Variants in COL25A1 observed in about 807,000 individuals in gnomAD.
The protein encoded by COL25A1 is collagen type XXV alpha 1 chain.
A neutral mutation model predicts 128.4 loss-of-function variants in COL25A1; 103 were observed. That is an observed-to-expected ratio of 0.80 (90% CI 0.68 to 0.94). COL25A1 has a LOEUF of 0.94. COL25A1 is among the 40% of genes least tolerant of loss of function. COL25A1 has a pLI of 0.00. For missense variants in COL25A1, 745 were observed against 840.0 expected (o/e 0.89, Z 1.40); for synonymous variants, 279 against 277.2 (o/e 1.01, Z -0.06).
intron 3 of COL25A1, among the ~76,000 whole-genome samples, chr4:109,253,883 T>C (rs559904256): frequency 5.9e-4 from 90 of 152,060 alleles, no homozygotes; most frequent in Middle Eastern, 3.4e-3. Flanking sequence ...GTCAGGAGAT[T>C]GAGACCATCC....
intron 11 of COL25A1, among the ~76,000 whole-genome samples, chr4:108,928,402 T>TTCTA (rs1269849576): frequency 6.6e-6 from 1 of 152,244 alleles, no homozygotes; most frequent in East Asian, 1.9e-4. Flanking sequence ...GACAGAAACA[T>TTCTA]TCTATATTGG....
At chr4:108,814,698 G>A (rs542618899) in intron 37 of COL25A1, among the ~76,000 whole-genome samples, 80 of 152,278 alleles carry the variant, frequency 5.3e-4, no homozygotes, top group African/African-American at 1.9e-3. Context: ...TCTTAGAGAC[G>A]TCCTTGACAT....
chr4:108,844,513 A>T lies in COL25A1; in HGVS notation c.1629+6T>A. The T allele has an allele frequency of 1.2e-6, 2 of 1,614,102 alleles. No homozygotes were observed. Among genetic ancestry groups the T allele is most frequent in the East Asian group, 2.2e-5 (1 of 44,876 alleles). On this transcript the variant is annotated splice_donor_region_variant and intron_variant, in intron 30 of 37. Coordinates refer to ENST00000399132, the MANE Select transcript of COL25A1 (RefSeq NM_198721.4). ...CAATTACATTTCAGAAAGAAGGGAA[A>T]CTTACCATGGGGCCAGGTGGGCCAT...
At chr4:109,143,377 T>C (rs991496360) in intron 3 of COL25A1, among the ~76,000 whole-genome samples, 5 of 152,170 alleles carry the variant, frequency 3.3e-5, no homozygotes, top group African/African-American at 4.8e-5. Flanking sequence ...CTGATAATTA[T>C]GTGTCTTGGG....
At chr4:109,035,708 C>T (rs997220429) in intron 5 of COL25A1, among the ~76,000 whole-genome samples, 16 of 151,986 alleles carry the variant, frequency 1.1e-4, no homozygotes, top group African/African-American at 3.6e-4. Context: ...AAAATCTACA[C>T]ATAGGAAACT....
chr4:109,227,879 A>G, intron 3 of COL25A1, among the ~76,000 whole-genome samples: 1 of 152,170 alleles, frequency 6.6e-6, no homozygotes, highest in East Asian at 1.9e-4. Flanking sequence ...GTCATCTACA[A>G]GCTGGAGATT....
chr4:108,904,704 A>G (rs1416649902), intron 13 of COL25A1, among the ~76,000 whole-genome samples: 2 of 152,098 alleles, frequency 1.3e-5, no homozygotes, highest in African/African-American at 4.8e-5. Flanking sequence ...CACATTTCAT[A>G]CTTAAAACAC....
At chr4:108,960,095 G>A (rs1337004283) in intron 8 of COL25A1, among the ~76,000 whole-genome samples, 1 of 152,034 alleles carries the variant, frequency 6.6e-6, no homozygotes, top group Non-Finnish European at 1.5e-5. Context: ...TAATATAGAA[G>A]ATCCTTCAGA....
chr4:109,061,464 G>A (rs1010909891), intron 3 of COL25A1, among the ~76,000 whole-genome samples: 70 of 152,182 alleles, frequency 4.6e-4, no homozygotes, highest in Non-Finnish European at 3.1e-4. Flanking sequence ...GTTTAAGGAG[G>A]AGCTGCTATT....
chr4:108,888,507 C>T (rs138423105), intron 18 of COL25A1, among the ~76,000 whole-genome samples: 36 of 152,212 alleles, frequency 2.4e-4, no homozygotes, highest in Non-Finnish European at 4.0e-4. Flanking sequence ...AATGCTCAGA[C>T]GATAAACTGC....
chr4:109,086,870 G>A (rs1764439608), intron 3 of COL25A1, among the ~76,000 whole-genome samples: 1 of 152,148 alleles, frequency 6.6e-6, no homozygotes. Context: ...ACATGCTAGT[G>A]CCCACAGCAT....
chr4:109,131,173 T>A lies in COL25A1; in HGVS notation c.368-80994A>T, dbSNP rs181499232. On this transcript the variant is annotated intron_variant, in intron 3 of 37. Transcript: ENST00000399132. ...AAAATCTCATCAGTAATGTTTTTGTTGGTTGCTTATTGAAAAGATAATATT... is the reference window on the plus strand; with the variant it reads ...AAAATCTCATCAGTAATGTTTTTGTAGGTTGCTTATTGAAAAGATAATATT... Among the ~76,000 whole-genome samples the A allele has an allele frequency of 1.9e-4, 28 of 150,768 alleles. 1 individual carries two copies. Among genetic ancestry groups the A allele is most frequent in the Admixed American group, 1.5e-3 (23 of 15,208 alleles).
chr4:109,002,517 T>C (rs78497062), intron 6 of COL25A1, among the ~76,000 whole-genome samples: 5 of 152,132 alleles, frequency 3.3e-5, no homozygotes, highest in African/African-American at 7.2e-5. Flanking sequence ...GTCAAACTCA[T>C]AGAAGCATAG....
chr4:109,076,867 T>G (rs1763425245), intron 3 of COL25A1, among the ~76,000 whole-genome samples: 2 of 152,114 alleles, frequency 1.3e-5, no homozygotes. Context: ...TATGAGAATC[T>G]AATGCCATTG....
At chr4:109,211,788 A>G (rs1180231593) in intron 3 of COL25A1, among the ~76,000 whole-genome samples, 1 of 152,056 alleles carries the variant, frequency 6.6e-6, no homozygotes, top group Non-Finnish European at 1.5e-5. Context: ...ACCCTAAGGA[A>G]CCCAAAGATC....
intron 11 of COL25A1, among the ~76,000 whole-genome samples, chr4:108,935,584 C>T (rs1463405073): frequency 1.3e-5 from 2 of 150,888 alleles, no homozygotes; most frequent in Non-Finnish European, 2.9e-5. Context: ...AAAAATAACA[C>T]GAACTAAATC....
At chr4:109,217,938 G>A (rs181797439) in intron 3 of COL25A1, among the ~76,000 whole-genome samples, 1 of 152,250 alleles carries the variant, frequency 6.6e-6, no homozygotes, top group Non-Finnish European at 1.5e-5. Context: ...CCACAGAAAT[G>A]GAGGCTGACT....
chr4:109,135,417 T>G (rs1769641334), intron 3 of COL25A1, among the ~76,000 whole-genome samples: 1 of 152,188 alleles, frequency 6.6e-6, no homozygotes, highest in Non-Finnish European at 1.5e-5. Context: ...TTTACCCTAA[T>G]TGTGAAACCA....
chr4:109,249,376 T>C (rs1484041158), intron 3 of COL25A1, among the ~76,000 whole-genome samples: 1 of 148,662 alleles, frequency 6.7e-6, no homozygotes, highest in East Asian at 2.1e-4. Context: ...GTTCTTTGCA[T>C]AATTAATGTA....
Sources: gnomAD v4.1 joint callset for allele counts (sites outside exome capture counted in the v4.1 genomes callset) on GRCh38, gnomAD v4.1.1 for gene constraint, MANE v1.5 for transcripts, NCBI Gene and HGNC (gene_info 2026-07-23, HGNC 2026-07-21) for gene names.